The following PFKP variants were observed in gnomAD, a reference collection of about 807,000 sequenced individuals.
PFKP encodes the protein ATP-dependent 6-phosphofructokinase, platelet type.
Under a neutral mutation model 94.3 loss-of-function variants are expected in PFKP, and 101 were observed. The observed-to-expected ratio is 1.07, with a 90% CI of 0.91 to 1.26. The LOEUF is 1.26. Ranked by LOEUF, PFKP falls within the 50% of genes most tolerant of loss-of-function variation. PFKP has a pLI of 0.00. For synonymous variants in PFKP, 573 were observed against 432.6 expected (o/e 1.32, Z -4.03); for missense variants, 1,145 against 1,103.3 (o/e 1.04, Z -0.53).
At chr10:3,089,362 G>C (rs867387760) in intron 2 of PFKP, among the ~76,000 whole-genome samples, 1 of 152,140 alleles carries the variant, frequency 6.6e-6, no homozygotes, top group Non-Finnish European at 1.5e-5. Flanking sequence ...CCATTTATCC[G>C]CTGACGGGCG....
chr10:3,084,156 T>C (rs910546709), intron 2 of PFKP, among the ~76,000 whole-genome samples: 5 of 152,248 alleles, frequency 3.3e-5, no homozygotes, highest in African/African-American at 1.2e-4. Context: ...AGGCACCGAC[T>C]GAGCTAAAAG....
At chr10:3,080,387 G>C (rs1431454789) in intron 1 of PFKP, among the ~76,000 whole-genome samples, 1 of 151,982 alleles carries the variant, frequency 6.6e-6, no homozygotes, top group Non-Finnish European at 1.5e-5. Flanking sequence ...CGTGGTGGCG[G>C]GCGCCTGTAG....
intron 16 of PFKP, among the ~76,000 whole-genome samples, chr10:3,127,582 T>C (rs527530945): frequency 9.9e-4 from 151 of 152,306 alleles, no homozygotes; most frequent in African/African-American, 3.4e-3. Flanking sequence ...TTACAGCGTC[T>C]TAAGTCTTAG....
intron 5 of PFKP, chr10:3,104,897 C>T: frequency 1.6e-6 from 1 of 622,938 alleles, no homozygotes. Flanking sequence ...TGGCTCAAGT[C>T]CCCTTCCTCG....
At chr10:3,128,316 T>C (rs1419186344) in intron 16 of PFKP, among the ~76,000 whole-genome samples, 1 of 152,176 alleles carries the variant, frequency 6.6e-6, no homozygotes, top group East Asian at 1.9e-4. Context: ...ACCGGGATAA[T>C]TTCTGTGAAG....
chr10:3,134,592 C>A lies in PFKP; in HGVS notation c.2122+10C>A. 1 of 1,580,894 alleles carries A rather than the reference C, an allele frequency of 6.3e-7. No homozygotes were observed. The highest frequency in any genetic ancestry group is 1.7e-5 in the Admixed American group (1 of 59,824). ...GAGGCCCGGGGCAGAGGTAAGGGGT[C>A]TGGGGAGGGAGGCCACAGCCTCGTG... On this transcript the variant is annotated intron_variant, in intron 20 of 21. Transcript: ENST00000381125.
rs17212803 is a variant in PFKP, at chr10:3,108,122, C to G, written c.871-579C>G. On this transcript the variant is annotated intron_variant, in intron 8 of 21. Transcript: ENST00000381125. ...AAGTCCAGGCAAAGATTTTATTTCC[C>G]GCTTAACTGTAATTAAATTATAGGA... 290 of 809,770 alleles carry G rather than the reference C, an allele frequency of 3.6e-4. No individual in the cohort carries two copies. In the Middle Eastern group the frequency reaches 3.6e-3, roughly 10 times the overall value. The allele number at this position is 809,770 out of a possible 1,614,324, so 50.2% of individuals were successfully genotyped here. A position where few individuals can be genotyped will look rare whatever the true frequency, so the allele number is the denominator to read the frequency against.
intron 1 of PFKP, among the ~76,000 whole-genome samples, chr10:3,073,569 T>C (rs1302177954): frequency 2.6e-5 from 4 of 151,886 alleles, no homozygotes; most frequent in Non-Finnish European, 5.9e-5. Flanking sequence ...TCTCCACTTC[T>C]CCAGGTTTCC....
intron 3 of PFKP, among the ~76,000 whole-genome samples, chr10:3,099,966 ATG>A (rs892844510): frequency 2.2e-4 from 33 of 149,398 alleles, no homozygotes; most frequent in African/African-American, 7.2e-4. Context: ...GCCCGTGTGT[ATG>A]TGTTAACTGT....
intron 20 of PFKP, among the ~76,000 whole-genome samples, 191 bp downstream of exon 20, chr10:3,134,773 A>G (rs1337664449): frequency 6.6e-6 from 1 of 152,264 alleles, no homozygotes; most frequent in Non-Finnish European, 1.5e-5. Context: ...GGATAAGATC[A>G]GCTTGGGTAT....
chr10:3,104,438 C>T (rs1416605155), intron 5 of PFKP, among the ~76,000 whole-genome samples: 3 of 152,208 alleles, frequency 2.0e-5, no homozygotes, highest in Non-Finnish European at 2.9e-5. Flanking sequence ...GCATGAAAAC[C>T]ATGTGGAATG....
intron 1 of PFKP, among the ~76,000 whole-genome samples, chr10:3,068,409 G>A (rs1831903820): frequency 6.6e-6 from 1 of 152,200 alleles, no homozygotes; most frequent in Non-Finnish European, 1.5e-5. Flanking sequence ...GCGCTCGCAT[G>A]TGCTGTCGCC....
chr10:3,077,962 T>C (rs1178324837), intron 1 of PFKP, among the ~76,000 whole-genome samples: 2 of 152,262 alleles, frequency 1.3e-5, no homozygotes, highest in Admixed American at 6.5e-5. Context: ...GCGGTGTTTT[T>C]CCAAATGTTA....
intron 8 of PFKP, 35 bp from the exon 9 acceptor site, chr10:3,108,666 A>G: frequency 6.5e-7 from 1 of 1,536,428 alleles, no homozygotes; most frequent in Non-Finnish European, 9.0e-7. Flanking sequence ...TGTCCGCATC[A>G]CAGTTCCGCA....
chr10:3,103,207 C>A (rs1835188429), intron 4 of PFKP, among the ~76,000 whole-genome samples: 1 of 152,230 alleles, frequency 6.6e-6, no homozygotes, highest in African/African-American at 2.4e-5. Context: ...TTACCGATTG[C>A]AAATGTGGAT....
intron 17 of PFKP, 117 bp from the exon 18 acceptor site, chr10:3,132,263 C>T: frequency 1.4e-6 from 1 of 708,902 alleles, no homozygotes. Context: ...AGAGCTGCAG[C>T]CTCCTTGGCC....
intron 1 of PFKP, among the ~76,000 whole-genome samples, chr10:3,081,444 C>G (rs1588404067): frequency 6.6e-6 from 1 of 152,240 alleles, no homozygotes; most frequent in East Asian, 1.9e-4. Flanking sequence ...TGAAACTTAA[C>G]TTTGCAGAGG....
In PFKP at chr10:3,115,560, C is replaced by CCGCCACGGAGAACAGGA. The variant is rs1237580612; in HGVS notation, c.1372-1215_1372-1214insGCCACGGAGAACAGGAC. Among the ~76,000 whole-genome samples the CCGCCACGGAGAACAGGA allele has an allele frequency of 2.7e-4, 41 of 151,254 alleles. 1 individual carries two copies. The highest frequency in any genetic ancestry group is 8.8e-4 in the African/African-American group (36 of 40,824). ...GGATGCCAGGGTGAAGGTGTGTGTCCCTCAGCTGAGGACAGGACTGGGGAT... is the reference window on the plus strand; with the variant it reads ...GGATGCCAGGGTGAAGGTGTGTGTCCCGCCACGGAGAACAGGACTCAGCTGAGGACAGGACTGGGGAT... On this transcript the variant is annotated intron_variant, in intron 13 of 21. Transcript: ENST00000381125.
At chr10:3,109,579 C>A in intron 10 of PFKP, 99 bp downstream of exon 10, 2 of 1,408,926 alleles carry the variant, frequency 1.4e-6, no homozygotes, top group South Asian at 2.5e-5. Flanking sequence ...CGTCGGTGCA[C>A]GATGCATTAC....
Sources: allele counts gnomAD v4.1 joint callset (sites outside exome capture counted in the v4.1 genomes callset), GRCh38; gene constraint gnomAD v4.1.1; transcripts MANE v1.5; gene names NCBI Gene and HGNC (gene_info 2026-07-23, HGNC 2026-07-21).